The following LRRC4C variants were observed in gnomAD, a reference collection of about 807,000 sequenced individuals.
LRRC4C encodes leucine rich repeat containing 4C.
In LRRC4C, 5 loss-of-function variants were observed where a neutral mutation model predicts 33.6. The ratio of observed to expected loss-of-function variants is 0.15; its 90% CI spans 0.08 to 0.31. LRRC4C has a LOEUF of 0.31. Among genes scored for constraint, LRRC4C ranks in the 10% least tolerant of loss-of-function variants. The pLI, the probability that LRRC4C is intolerant of heterozygous loss-of-function variation, is 1.00. For synonymous variants in LRRC4C, 329 were observed against 302.0 expected (o/e 1.09, Z -0.93); for missense variants, 560 against 796.7 (o/e 0.70, Z 3.58).
In LRRC4C at chr11:41,435,927, C is replaced by T. The variant is rs185422287; in HGVS notation, c.-496+23504G>A. 5.9e-5 allele frequency among the ~76,000 whole-genome samples: 9 copies of T among 152,224 alleles called. No individual in the cohort carries two copies. The East Asian group carries it at 1.7e-3, about 29-fold the overall frequency. ...GAAAATAGCCTAAACATTTCCCGGC[C>T]GGGAGTGGTGGCTCACACCTATAAT... is the stretch of plus-strand genomic sequence containing the variant. On this transcript the variant is annotated intron_variant, in intron 1 of 6. Transcript: ENST00000528697.
Position 41,337,842 on chromosome 11 carries a change from A to G in LRRC4C, c.-496+121589T>C, listed in dbSNP as rs150423234. Among the ~76,000 whole-genome samples, 755 of 152,324 alleles carry G rather than the reference A, an allele frequency of 5.0e-3. 2 individuals carry two copies. The highest frequency in any genetic ancestry group is 7.5e-3 in the Non-Finnish European group (511 of 68,022). ...AAGGAACTTAAACAAATGCACAAGA[A>G]AAAAACAAACAACCCCATCAAAAAA... On this transcript the variant is annotated intron_variant, in intron 1 of 6. Coordinates refer to ENST00000528697, the MANE Select transcript of LRRC4C (RefSeq NM_001258419.2).
chr11:41,454,858 T>C (rs541008898), intron 1 of LRRC4C, among the ~76,000 whole-genome samples: 24 of 152,180 alleles, frequency 1.6e-4, no homozygotes, highest in Non-Finnish European at 2.1e-4. Context: ...ATGGTCTTCC[T>C]ATTCTTAAAC....
intron 3 of LRRC4C, among the ~76,000 whole-genome samples, chr11:40,595,003 A>G (rs575867176): frequency 6.6e-6 from 1 of 152,086 alleles, no homozygotes; most frequent in East Asian, 1.9e-4. Context: ...TCTTTTACAC[A>G]GTAAGTTTTA....
At chr11:41,034,478 T>C (rs1178042788) in intron 1 of LRRC4C, among the ~76,000 whole-genome samples, 3 of 146,002 alleles carry the variant, frequency 2.1e-5, no homozygotes, top group African/African-American at 5.0e-5. Context: ...TATGTGTGTA[T>C]ATATATATAT....
At chr11:41,088,161 T>A (rs1940142087) in intron 1 of LRRC4C, among the ~76,000 whole-genome samples, 1 of 152,100 alleles carries the variant, frequency 6.6e-6, no homozygotes, top group Non-Finnish European at 1.5e-5. Flanking sequence ...AGGAAGTTTA[T>A]GAATCTTTAA....
intron 1 of LRRC4C, among the ~76,000 whole-genome samples, chr11:41,184,815 CAAAA>C (rs34577485): frequency 1.8e-5 from 2 of 112,476 alleles, no homozygotes; most frequent in Non-Finnish European, 3.6e-5. Context: ...GGGCAATTTA[CAAAA>C]AAAAAAAAAA....
At chr11:41,080,021 A>G (rs1939447923) in intron 1 of LRRC4C, among the ~76,000 whole-genome samples, 1 of 152,154 alleles carries the variant, frequency 6.6e-6, no homozygotes, top group African/African-American at 2.4e-5. Context: ...AATGGGACAC[A>G]TAATGGGAGT....
At chr11:40,839,465 C>T (rs112311480) in intron 2 of LRRC4C, among the ~76,000 whole-genome samples, 2,286 of 152,182 alleles carry the variant, frequency 0.015, 63 homozygotes, top group African/African-American at 0.053. Context: ...AGGCTGGTCT[C>T]GAACTGCTGA....
At chr11:41,323,449 A>G (rs1951017124) in intron 1 of LRRC4C, among the ~76,000 whole-genome samples, 1 of 152,226 alleles carries the variant, frequency 6.6e-6, no homozygotes, top group African/African-American at 2.4e-5. Flanking sequence ...AGGAATCATC[A>G]CACACTGCCT....
At chr11:41,068,754 A>G (rs1471783166) in intron 1 of LRRC4C, among the ~76,000 whole-genome samples, 1 of 152,102 alleles carries the variant, frequency 6.6e-6, no homozygotes, top group Non-Finnish European at 1.5e-5. Flanking sequence ...TGAGGCAGTA[A>G]TTATTAACCT....
At chr11:40,875,367 T>C (rs546119367) in intron 2 of LRRC4C, among the ~76,000 whole-genome samples, 1 of 152,172 alleles carries the variant, frequency 6.6e-6, no homozygotes, top group East Asian at 1.9e-4. Context: ...GAAAGCAGAA[T>C]GTATGTTGTA....
chr11:41,367,279 T>C (rs768196902), intron 1 of LRRC4C, among the ~76,000 whole-genome samples: 16 of 152,176 alleles, frequency 1.1e-4, no homozygotes, highest in Non-Finnish European at 1.5e-4. Context: ...AGGTGTGATA[T>C]TGGGGTATCC....
intron 3 of LRRC4C, among the ~76,000 whole-genome samples, chr11:40,487,023 A>G (rs1375579179): frequency 1.3e-5 from 2 of 152,054 alleles, no homozygotes; most frequent in Admixed American, 6.6e-5. Flanking sequence ...TAGGGTTAAG[A>G]AAAGTTATAC....
chr11:40,823,881 G>T (rs896968064), intron 2 of LRRC4C, among the ~76,000 whole-genome samples: 15 of 151,766 alleles, frequency 9.9e-5, no homozygotes, highest in African/African-American at 3.1e-4. Context: ...TCTACACAAT[G>T]TTCATAGCAG....
chr11:41,418,789 T>C (rs1028830588), intron 1 of LRRC4C, among the ~76,000 whole-genome samples: 1 of 151,982 alleles, frequency 6.6e-6, no homozygotes, highest in Non-Finnish European at 1.5e-5. Context: ...ATGAATTGTA[T>C]TGATTGGGTC....
intron 1 of LRRC4C, among the ~76,000 whole-genome samples, chr11:41,391,469 G>T (rs893955907): frequency 7.2e-5 from 11 of 151,820 alleles, no homozygotes; most frequent in African/African-American, 2.4e-4. Flanking sequence ...GAAAAAAAAT[G>T]AAATGAGTAA....
rs376913336 is a variant in LRRC4C, at chr11:40,307,289, G to C, written c.-176+12339C>G. On this transcript the variant is annotated intron_variant, in intron 4 of 6. Transcript: ENST00000528697. ...TAGTTTTAAATACTGGACATAAACT[G>C]TCCCTTTCTTTCTTTCTTTGAATGA... Among the ~76,000 whole-genome samples the C allele has an allele frequency of 6.7e-4, 102 of 152,238 alleles. 1 individual carries two copies. In the South Asian group the frequency reaches 0.021, roughly 31 times the overall value.
chr11:41,165,472 C>T (rs1436615470), intron 1 of LRRC4C, among the ~76,000 whole-genome samples: 1 of 152,064 alleles, frequency 6.6e-6, no homozygotes, highest in African/African-American at 2.4e-5. Context: ...GTATATTACA[C>T]ACACCATCTT....
chr11:40,141,305 AC>A (rs972440720), intron 5 of LRRC4C, among the ~76,000 whole-genome samples: 7 of 152,190 alleles, frequency 4.6e-5, no homozygotes, highest in Non-Finnish European at 2.9e-5. Flanking sequence ...GGGATTGCCC[AC>A]CACCAACACC....
Sources: gnomAD v4.1 joint callset for allele counts (sites outside exome capture counted in the v4.1 genomes callset) on GRCh38, gnomAD v4.1.1 for gene constraint, MANE v1.5 for transcripts, NCBI Gene and HGNC (gene_info 2026-07-23, HGNC 2026-07-21) for gene names.